Variants in USP54 observed in about 807,000 individuals in gnomAD.
USP54 encodes the protein ubiquitin specific peptidase 54.
In USP54, 87 loss-of-function variants were observed where a neutral mutation model predicts 170.5. That is an observed-to-expected ratio of 0.51 (90% CI 0.43 to 0.61). The LOEUF is 0.61. USP54 is among the 20% of genes least tolerant of loss of function. USP54 has a pLI of 0.00. For synonymous variants in USP54, 655 were observed against 742.8 expected, an observed-to-expected ratio of 0.88 and a Z score of 1.92; for missense variants, 1,786 against 2,047.8, an observed-to-expected ratio of 0.87 and a Z score of 2.47.
rs2066577396 is a variant in USP54 at position 73,541,434 on chromosome 10, G to A, written c.766C>T (p.His256Tyr). The change falls in exon 9 of 24, where the codon CAC becomes TAC. Residue 256 changes from histidine to tyrosine, a missense_variant. Around this residue, in one of 3 missense-constraint regions of USP54, gnomAD observed 361 missense variants for 455.0 expected, o/e 0.79. Coordinates refer to ENST00000687698, the MANE Select transcript of USP54 (RefSeq NM_001391956.1). ...ITIGLVWDSD[H>Y]SDLAEDVIHS... is the part of the protein sequence containing the mutation. ...ATAACATCTTCTGCTAAGTCTGAGT[G>A]GTCTGAGTCCCATACCAGCCCAATC... The A allele has an allele frequency of 1.9e-6, 3 of 1,614,136 alleles. No homozygotes were observed. The highest frequency in any genetic ancestry group is 2.5e-6 in the Non-Finnish European group (3 of 1,180,014).
chr10:73,524,651 G>C (rs1223104803), intron 16 of USP54, among the ~76,000 whole-genome samples: 1 of 152,100 alleles, frequency 6.6e-6, no homozygotes, highest in Non-Finnish European at 1.5e-5. Context: ...GTATTACGCT[G>C]AACATTTGTT....
intron 1 of USP54, among the ~76,000 whole-genome samples, chr10:73,602,577 GGCC>G (rs2079262536): frequency 7.2e-6 from 1 of 139,696 alleles, no homozygotes; most frequent in South Asian, 2.3e-4. Flanking sequence ...GTATAATAGT[GGCC>G]AGGCACTGTG....
At chr10:73,510,161 C>A (rs1486609561) in intron 20 of USP54, among the ~76,000 whole-genome samples, 1 of 151,650 alleles carries the variant, frequency 6.6e-6, no homozygotes, top group Non-Finnish European at 1.5e-5. Flanking sequence ...ATGGTGAAAC[C>A]CCGTCTCTAC....
intron 20 of USP54, among the ~76,000 whole-genome samples, chr10:73,510,195 C>G (rs938939678): frequency 1.3e-5 from 2 of 151,588 alleles, no homozygotes; most frequent in Admixed American, 6.6e-5. Flanking sequence ...ATTAGCCTGG[C>G]ATGGTGGCAC....
Position 73,530,793 on chromosome 10 carries a change from T to C in USP54, c.1358A>G (p.Lys453Arg), listed in dbSNP as rs1357163632. Residue 453 changes from lysine (K) to arginine (R), a missense_variant, in exon 13 of 24, where the codon AAG becomes AGG. Coordinates refer to ENST00000687698, the MANE Select transcript of USP54 (RefSeq NM_001391956.1). ...DSECNQKHTSKKGSLIERKRS... is the reference protein window; with the variant it reads ...DSECNQKHTSRKGSLIERKRS... The stretch of plus-strand genomic sequence containing the variant: ...CTTGCGCTCTATCAGTGACCCTTTC[T>C]TGGATGTGTGTTTCTGATTACATTC... 6.2e-7 allele frequency: 1 copy of C among 1,614,140 alleles called. No individual in the cohort carries two copies. Among genetic ancestry groups the C allele is most frequent in the African/African-American group, 1.3e-5 (1 of 75,044 alleles).
chr10:73,617,708 A>T (rs557514480), intron 1 of USP54, among the ~76,000 whole-genome samples: 1 of 149,666 alleles, frequency 6.7e-6, no homozygotes, highest in Admixed American at 6.6e-5. Context: ...GGTTCCTAGC[A>T]GAGTCAGGAA....
chr10:73,571,637 C>A, intron 3 of USP54, 124 bp from the exon 4 acceptor site: 1 of 648,292 alleles, frequency 1.5e-6, no homozygotes, highest in Non-Finnish European at 2.5e-6. Flanking sequence ...AAGAAAACTT[C>A]ATTCTAGTAT....
chr10:73,507,669 C>CAAAA (rs913305815), intron 20 of USP54, among the ~76,000 whole-genome samples: 3 of 22,458 alleles, frequency 1.3e-4, no homozygotes, highest in African/African-American at 1.8e-4. Flanking sequence ...GACTCCGTCG[C>CAAAA]AAAAAAAAAA....
chr10:73,545,111 T>C (rs1351044998), intron 5 of USP54, among the ~76,000 whole-genome samples: 1 of 152,220 alleles, frequency 6.6e-6, no homozygotes, highest in Non-Finnish European at 1.5e-5. Flanking sequence ...TGTAGCCATA[T>C]AGCACATCAC....
intron 1 of USP54, among the ~76,000 whole-genome samples, chr10:73,612,839 CAAAAAAAAAAA>C (rs756355670): frequency 4.7e-5 from 2 of 42,118 alleles, no homozygotes; most frequent in South Asian, 7.8e-4. Flanking sequence ...GACATTGTCT[CAAAAAAAAAAA>C]AAAAAAAAAA....
At chr10:73,601,120 A>T (rs570156450) in intron 1 of USP54, among the ~76,000 whole-genome samples, 4 of 152,326 alleles carry the variant, frequency 2.6e-5, no homozygotes, top group African/African-American at 9.6e-5. Context: ...TGAATAGGAA[A>T]GTTTGGGTAA....
At chr10:73,527,498 C>CAAAAAA (rs931778033) in intron 15 of USP54, among the ~76,000 whole-genome samples, 13 of 52,036 alleles carry the variant, frequency 2.5e-4, no homozygotes, top group Admixed American at 6.2e-4. Context: ...CACTCCATCT[C>CAAAAAA]AAAAAAAAAA....
At chr10:73,536,087 C>G in intron 11 of USP54, 182 bp downstream of exon 11, 1 of 750,870 alleles carries the variant, frequency 1.3e-6, no homozygotes, top group Non-Finnish European at 2.2e-6. Flanking sequence ...GTTTTGACAA[C>G]TGAAGGAAAT....
chr10:73,602,512 T>A (rs996667166), intron 1 of USP54, among the ~76,000 whole-genome samples: 2 of 149,870 alleles, frequency 1.3e-5, no homozygotes, highest in Non-Finnish European at 3.0e-5. Flanking sequence ...GAGATCATGC[T>A]ACTGCACTCC....
In USP54 at chr10:73,516,786, G is replaced by C. The variant is rs1158459795; in HGVS notation, c.3640C>G (p.Leu1214Val). The change falls in exon 20 of 24, where the codon CTG (leucine) becomes GTG (valine). Residue 1214 changes from leucine to valine, a missense_variant. Physicochemically the swap from Leu to Val is conservative, Grantham distance 32 (BLOSUM62 1). Coordinates refer to ENST00000687698, the MANE Select transcript of USP54 (RefSeq NM_001391956.1). ...EHSSLALNSGLPNGETSSGGQ... is the reference protein window; with the variant it reads ...EHSSLALNSGVPNGETSSGGQ... ...CCGCTAGAAGTTTCACCATTAGGCA[G>C]CCCAGAGTTTAAGGCAAGAGAAGAA... 5.6e-6 allele frequency: 9 copies of C among 1,614,030 alleles called. No individual in the cohort carries two copies. The highest frequency in any genetic ancestry group is 7.6e-6 in the Non-Finnish European group (9 of 1,180,032).
intron 8 of USP54, 47 bp downstream of exon 8, chr10:73,541,586 C>T (rs1161943697): frequency 4.3e-6 from 7 of 1,612,996 alleles, no homozygotes; most frequent in Admixed American, 1.7e-5. Context: ...TTCCACTGAT[C>T]GATGGTTCCC....
intron 4 of USP54, among the ~76,000 whole-genome samples, chr10:73,561,104 CAAAAAAA>C (rs919887025): frequency 6.9e-4 from 21 of 30,488 alleles, no homozygotes; most frequent in South Asian, 1.1e-3. Flanking sequence ...GACTCCATCT[CAAAAAAA>C]AAAAAAAAAA....
Position 73,545,593 on chromosome 10 carries a change from A to C in USP54, c.320T>G (p.Phe107Cys). Residue 107 changes from phenylalanine to cysteine, a missense_variant, in exon 5 of 24, where the codon TTC (phenylalanine) becomes TGC (cysteine). Around this residue, in one of 3 missense-constraint regions of USP54, gnomAD observed 361 missense variants for 455.0 expected, o/e 0.79. Transcript: ENST00000687698. ...CAGCTGGAAACGTTGTTCATCCTGG[A>C]AAGTCTTTGCCAGAGCACTGCGGAG... ...DTLRSALAKT[F>C]QDEQRFQLGI... 1.2e-6 allele frequency: 2 copies of C among 1,614,224 alleles called. No homozygotes were observed. Among genetic ancestry groups the C allele is most frequent in the Non-Finnish European group, 1.7e-6 (2 of 1,180,034 alleles).
chr10:73,516,875 G>C lies in USP54; in HGVS notation c.3551C>G (p.Ala1184Gly). 1 of 1,614,212 alleles carries C rather than the reference G, an allele frequency of 6.2e-7. No homozygotes were observed. Among genetic ancestry groups the C allele is most frequent in the South Asian group, 1.1e-5 (1 of 91,084 alleles). The change falls in exon 20 of 24, where the codon GCA becomes GGA. Residue 1184 changes from alanine to glycine, a missense_variant. By Grantham distance (60) the Ala-to-Gly change is moderately conservative. Around this residue, in one of 3 missense-constraint regions of USP54, gnomAD observed 1,418 missense variants for 1,569.0 expected, o/e 0.90. Coordinates refer to ENST00000687698, the MANE Select transcript of USP54 (RefSeq NM_001391956.1). Reference sequence around the variant, plus strand: ...ACCCTCCAGAGAGGATTGTTGCTTTGCCCATGGCCAGTGGCCTTTCTCTTG... The same window carrying C: ...ACCCTCCAGAGAGGATTGTTGCTTTCCCCATGGCCAGTGGCCTTTCTCTTG... ...QGQEKGHWPWAKQQSSLEGGD... is the reference protein window; with the variant it reads ...QGQEKGHWPWGKQQSSLEGGD...
Sources: allele counts gnomAD v4.1 joint callset (sites outside exome capture counted in the v4.1 genomes callset), GRCh38; gene constraint gnomAD v4.1.1; regional missense constraint gnomAD v4.1.1; transcripts MANE v1.5; gene names NCBI Gene and HGNC (gene_info 2026-07-23, HGNC 2026-07-21).